The following VWA2 variants were observed in gnomAD, a reference collection of about 807,000 sequenced individuals.
VWA2 encodes the protein von Willebrand factor A domain-containing protein 2.
VWA2 carries 73 observed loss-of-function variants against 70.4 expected under a neutral mutation model. The observed-to-expected ratio is 1.04, with a 90% confidence interval of 0.86 to 1.26. The LOEUF is 1.26. Ranked by LOEUF, VWA2 falls within the 50% of genes most tolerant of loss-of-function variation. The pLI is 0.00. For missense variants in VWA2, 1,011 were observed against 998.5 expected (o/e 1.01, Z -0.17); for synonymous variants, 407 against 423.3 (o/e 0.96, Z 0.47).
At chr10:114,285,835 C>G in intron 10 of VWA2, 104 bp from the exon 11 acceptor site, 1 of 1,272,844 alleles carries the variant, frequency 7.9e-7, no homozygotes. Flanking sequence ...CCCACAGTTT[C>G]TCTGCACCAT....
At chr10:114,264,571 C>T (rs2037520275) in intron 5 of VWA2, among the ~76,000 whole-genome samples, 1 of 152,036 alleles carries the variant, frequency 6.6e-6, no homozygotes, top group African/African-American at 2.4e-5. Context: ...GTGCCCGCCA[C>T]CACGCCCGGC....
At chr10:114,263,910 T>C (rs2037502681) in intron 5 of VWA2, among the ~76,000 whole-genome samples, 2 of 152,208 alleles carry the variant, frequency 1.3e-5, no homozygotes, top group African/African-American at 2.4e-5. Context: ...CACAAAAAGA[T>C]TGTCAACATC....
intron 4 of VWA2, among the ~76,000 whole-genome samples, chr10:114,258,863 T>C (rs1311308744): frequency 6.6e-6 from 1 of 152,232 alleles, no homozygotes; most frequent in African/African-American, 2.4e-5. Context: ...TCATGCCTTT[T>C]TCCTCCTCAC....
intron 1 of VWA2, among the ~76,000 whole-genome samples, chr10:114,244,322 A>G (rs956099135): frequency 1.3e-5 from 2 of 152,164 alleles, no homozygotes; most frequent in Non-Finnish European, 2.9e-5. Context: ...GTCACCTCTT[A>G]CCGGCAGCCC....
chr10:114,274,905 T>C (rs2037795049), intron 6 of VWA2, among the ~76,000 whole-genome samples: 3 of 152,162 alleles, frequency 2.0e-5, no homozygotes, highest in African/African-American at 7.2e-5. Flanking sequence ...GAGTGAATAG[T>C]GGTGCCATCT....
chr10:114,259,399 G>C (rs1014120228), intron 4 of VWA2, among the ~76,000 whole-genome samples: 1 of 150,858 alleles, frequency 6.6e-6, no homozygotes, highest in Non-Finnish European at 1.5e-5. Context: ...CCTTTAACAT[G>C]AATTGCACAT....
intron 4 of VWA2, among the ~76,000 whole-genome samples, chr10:114,258,048 A>AAGCAGAGGAATTGTTTACTTGGGT (rs1432049228): frequency 6.6e-6 from 1 of 152,180 alleles, no homozygotes; most frequent in Admixed American, 6.5e-5. Context: ...AAGACTTGGG[A>AAGCAGAGGAATTGTTTACTTGGGT]AGCAGAGGAA....
At chr10:114,257,415 C>T (rs1047363240) in intron 4 of VWA2, among the ~76,000 whole-genome samples, 7 of 152,092 alleles carry the variant, frequency 4.6e-5, no homozygotes, top group Non-Finnish European at 1.0e-4. Flanking sequence ...GTAGTGTGTC[C>T]TGAAATGAGT....
chr10:114,266,019 C>T (rs190292250), intron 5 of VWA2, among the ~76,000 whole-genome samples: 77 of 152,262 alleles, frequency 5.1e-4, no homozygotes, highest in Admixed American at 4.1e-3. Flanking sequence ...AACTTTTGGC[C>T]GGGCGCGGTG....
intron 2 of VWA2, among the ~76,000 whole-genome samples, chr10:114,249,929 T>C (rs1005861899): frequency 2.0e-5 from 3 of 152,036 alleles, no homozygotes; most frequent in African/African-American, 7.2e-5. Flanking sequence ...CACAGCCCAC[T>C]CTCCTTCCAG....
At chr10:114,263,534 T>TA (rs1445413514) in intron 5 of VWA2, among the ~76,000 whole-genome samples, 1 of 151,474 alleles carries the variant, frequency 6.6e-6, no homozygotes, top group Non-Finnish European at 1.5e-5. Flanking sequence ...AGATGGGGTT[T>TA]CACTGTGTTA....
chr10:114,271,014 C>T (rs676768), intron 5 of VWA2, among the ~76,000 whole-genome samples: 136,841 of 152,136 alleles, frequency 0.9, 61,764 homozygotes, highest in East Asian at 1. Context: ...CTGAAGCCTG[C>T]TCCCTGACAG....
chr10:114,293,634 T>C lies in VWA2; in HGVS notation c.*2397T>C, dbSNP rs1202550194. On this transcript the variant is annotated 3_prime_UTR_variant, in exon 14 of 14. Coordinates refer to ENST00000392982, the MANE Select transcript of VWA2 (RefSeq NM_001272046.2). Reference sequence around the variant, plus strand: ...TTTAATTTTTACCTTTAATTACTTATTCAAATAAGACAGAAATATATTTTC... The same window carrying C: ...TTTAATTTTTACCTTTAATTACTTACTCAAATAAGACAGAAATATATTTTC... 2.6e-5 allele frequency among the ~76,000 whole-genome samples: 4 copies of C among 152,232 alleles called. No homozygotes were observed. The highest frequency in any genetic ancestry group is 4.4e-5 in the Non-Finnish European group (3 of 68,046).
At chr10:114,266,603 AACC>A (rs1158676900) in intron 5 of VWA2, among the ~76,000 whole-genome samples, 1 of 152,202 alleles carries the variant, frequency 6.6e-6, no homozygotes, top group Non-Finnish European at 1.5e-5. Flanking sequence ...ATTGCAGTCA[AACC>A]TTCCAACATT....
At position 114,266,752 on chromosome 10, in the gene VWA2, G is replaced by A. The variant is rs60950101; in HGVS notation, c.371+5457G>A. ...ATAGTAACACAACCCTGTGTTTACT[G>A]TGACTGAATTTTTTGGACTCCCTCC... On this transcript the variant is annotated intron_variant, in intron 5 of 13. Transcript: ENST00000392982. 5.5e-3 allele frequency among the ~76,000 whole-genome samples: 838 copies of A among 152,232 alleles called. 6 individuals carry two copies. Among genetic ancestry groups the A allele is most frequent in the African/African-American group, 0.019 (785 of 41,530 alleles).
chr10:114,248,659 A>G, intron 1 of VWA2, 45 bp from the exon 2 acceptor site: 1 of 1,563,250 alleles, frequency 6.4e-7, no homozygotes, highest in Non-Finnish European at 8.8e-7. Context: ...GGGCGTTCAC[A>G]GAACTAATTG....
At chr10:114,245,440 C>T (rs1488828264) in intron 1 of VWA2, among the ~76,000 whole-genome samples, 1 of 152,160 alleles carries the variant, frequency 6.6e-6, no homozygotes, top group African/African-American at 2.4e-5. Flanking sequence ...GCCTCAGTCT[C>T]CTGCCAGTGC....
intron 11 of VWA2, among the ~76,000 whole-genome samples, chr10:114,288,713 C>T (rs2039214912): frequency 6.6e-6 from 1 of 152,232 alleles, no homozygotes; most frequent in Admixed American, 6.5e-5. Flanking sequence ...GCCACCCTAG[C>T]TGCCAGGAAG....
chr10:114,250,040 A>C (rs2037162621), intron 2 of VWA2, among the ~76,000 whole-genome samples: 1 of 151,436 alleles, frequency 6.6e-6, no homozygotes, highest in Non-Finnish European at 1.5e-5. Context: ...ACCCTGGCAA[A>C]CTCCTCCCCA....
Sources: gnomAD v4.1 joint callset for allele counts (sites outside exome capture counted in the v4.1 genomes callset) on GRCh38, gnomAD v4.1.1 for gene constraint, MANE v1.5 for transcripts, NCBI Gene and HGNC (gene_info 2026-07-23, HGNC 2026-07-21) for gene names.